Variants in MXD3 observed in about 807,000 individuals in gnomAD.
MXD3 encodes MAX dimerization protein 3, also known as Max-associated protein 3.
MXD3 carries 20 observed loss-of-function variants against 27.5 expected under a neutral mutation model. The ratio of observed to expected loss-of-function variants is 0.73; its 90% CI spans 0.51 to 1.06. MXD3 has a LOEUF of 1.06. Among genes scored for constraint, MXD3 ranks in the 50% least tolerant of loss-of-function variants. MXD3 has a pLI of 0.00. For missense variants in MXD3, 298 were observed against 291.3 expected (o/e 1.02, Z -0.17); for synonymous variants, 150 against 130.7 (o/e 1.15, Z -1.01).
At chr5:177,306,197 A>C (rs1260062642), downstream of MXD3, 1 of 1,603,532 alleles carries the variant, frequency 6.2e-7, no homozygotes, top group Admixed American at 1.7e-5. Flanking sequence ...GGGTATGTGG[A>C]TATTCCTCAT....
In MXD3 at chr5:177,311,748, G is replaced by T. The variant is rs1761045017; in HGVS notation, c.70+13C>A. Reference sequence around the variant, plus strand: ...GGTCGCCGCCCGGAATTCAGCCAAGGGTCCTTCCTCACCTCTCTCACGGCG... The same window carrying T: ...GGTCGCCGCCCGGAATTCAGCCAAGTGTCCTTCCTCACCTCTCTCACGGCG... On this transcript the variant is annotated intron_variant, in intron 1 of 5. Coordinates refer to ENST00000439742, the MANE Select transcript of MXD3 (RefSeq NM_031300.4). 2 of 1,612,276 alleles carry T rather than the reference G, an allele frequency of 1.2e-6. No homozygotes were observed. Among genetic ancestry groups the T allele is most frequent in the East Asian group, 4.5e-5 (2 of 44,780 alleles).
Position 177,310,684 on chromosome 5 carries a change from C to A in MXD3, c.190G>T (p.Glu64Ter). ...AQDSGRSVHN[E>*]LEKRRRAQLK... is the part of the protein sequence containing the mutation. ...GGGACTCACCTGCGCTTCTCCAGTTCATTGTGCACTGACCTGCCAATGCCA... is the reference window on the plus strand; with the variant it reads ...GGGACTCACCTGCGCTTCTCCAGTTAATTGTGCACTGACCTGCCAATGCCA... The change falls in exon 3 of 6, where the codon GAA becomes TAA. Residue 64 changes from glutamate (E) to a stop codon, truncating the protein, a stop_gained. Coordinates refer to ENST00000439742, the MANE Select transcript of MXD3 (RefSeq NM_031300.4). LOFTEE classifies it high-confidence loss of function. The A allele has an allele frequency of 6.2e-7, 1 of 1,614,210 alleles. No homozygotes were observed. The highest frequency in any genetic ancestry group is 1.1e-5 in the South Asian group (1 of 91,086).
downstream of MXD3, chr5:177,306,751 T>A (rs1042661622): frequency 9.4e-6 from 10 of 1,060,246 alleles, no homozygotes; most frequent in African/African-American, 1.6e-4. Flanking sequence ...GAGCCAGGTC[T>A]GCTTATTCTC....
At chr5:177,311,704 T>C (rs1761043950) in intron 1 of MXD3, 57 bp downstream of exon 1, 1 of 1,561,684 alleles carries the variant, frequency 6.4e-7, no homozygotes. Context: ...CCAGGTCCAG[T>C]CCAGGCCCGT....
Position 177,311,416 on chromosome 5 carries a change from G to C in MXD3, c.139C>G (p.Arg47Gly). Residue 47 changes from arginine (R) to glycine (G), a missense_variant, in exon 2 of 6, where the codon CGA (arginine) becomes GGA (glycine). Physicochemically the swap from Arg to Gly is moderately radical, Grantham distance 125. Coordinates refer to ENST00000439742, the MANE Select transcript of MXD3 (RefSeq NM_031300.4). ...SPGPIHRRKK[R>G]PPQAPGAQDS... ...TGCGCGCCAGGAGCCTGGGGGGGTC[G>C]CTTCTTCCTCCTGTGGATGGGGCCT... The C allele has an allele frequency of 2.8e-6, 4 of 1,436,092 alleles. No homozygotes were observed. The highest frequency in any genetic ancestry group is 3.6e-6 in the Non-Finnish European group (4 of 1,100,958). 89.0% of individuals were successfully genotyped at this position (1,436,092 alleles called of 1,614,324 possible).
downstream of MXD3, chr5:177,307,099 G>A: frequency 2.0e-6 from 3 of 1,491,808 alleles, no homozygotes; most frequent in South Asian, 1.3e-5. Flanking sequence ...TAAGTGCACT[G>A]CCTGGCACGG....
downstream of MXD3, chr5:177,306,457 A>G: frequency 6.2e-7 from 1 of 1,614,046 alleles, no homozygotes; most frequent in African/African-American, 1.3e-5. Context: ...TGAGACAGCC[A>G]AGGAAGCCAA....
chr5:177,307,863 T>C lies in MXD3; in HGVS notation c.423A>G (p.Ala141=). 1 of 1,609,738 alleles carries C rather than the reference T, an allele frequency of 6.2e-7. No homozygotes were observed. The highest frequency in any genetic ancestry group is 8.5e-7 in the Non-Finnish European group (1 of 1,178,704). ...GCAGCCGCTCCCGCTCGGCCGCCCCTGCCAGCCCCCGGAGCTGCTCCAGCT... is the reference window on the plus strand; with the variant it reads ...GCAGCCGCTCCCGCTCGGCCGCCCCCGCCAGCCCCCGGAGCTGCTCCAGCT... The part of the protein sequence containing the change: ...QRQLEQLRGL[A]GAAERERLRA... Residue 141 remains alanine, a synonymous_variant, in exon 5 of 6, where the codon GCA becomes GCG. Transcript: ENST00000439742.
chr5:177,311,915 G>A, upstream of MXD3: 7 of 1,487,140 alleles, frequency 4.7e-6, no homozygotes. Context: ...TAACTGACAC[G>A]GTGCAACAAA....
intron 2 of MXD3, chr5:177,310,990 CAG>C (rs10587485): frequency 0.05 from 28,894 of 581,404 alleles, 1,923 homozygotes; most frequent in African/African-American, 0.24. Flanking sequence ...ACTGCGGAAA[CAG>C]ATGTTTCCCA....
downstream of MXD3, chr5:177,306,577 T>C (rs1364999004): frequency 4.4e-6 from 7 of 1,607,774 alleles, no homozygotes; most frequent in Admixed American, 5.1e-5. Flanking sequence ...GTAGCCAGTC[T>C]ACCACCACCA....
Position 177,307,628 on chromosome 5 carries a change from T to A in MXD3, c.581A>T (p.Gln194Leu), listed in dbSNP as rs1487735347. The A allele has an allele frequency of 1.9e-6, 3 of 1,613,274 alleles. No homozygotes were observed. Among genetic ancestry groups the A allele is most frequent in the Non-Finnish European group, 2.5e-6 (3 of 1,179,938 alleles). The stretch of plus-strand genomic sequence containing the variant: ...GCCGCCGTGCGAGTAGCTGTGCTCC[T>A]GGCCGGCGACGAAGCCCCGCAGCAG... ...AELLRGFVAG[Q>L]EHSYSHGGGA... The change falls in exon 6 of 6, where the codon CAG (glutamine) becomes CTG (leucine). Residue 194 changes from glutamine (Q) to leucine (L), a missense_variant. Transcript: ENST00000439742.
At chr5:177,306,280 T>C, downstream of MXD3, 1 of 1,560,472 alleles carries the variant, frequency 6.4e-7, no homozygotes, top group Non-Finnish European at 8.8e-7. Context: ...CTGGGACTCC[T>C]TGTCTGTACT....
At chr5:177,312,170 G>C (rs1761054783), upstream of MXD3, 1 of 1,033,168 alleles carries the variant, frequency 9.7e-7, no homozygotes, top group Admixed American at 5.5e-5. Context: ...CGGCTCATTG[G>C]CGTCTTTGAT....
downstream of MXD3, chr5:177,306,142 G>C (rs374724126): frequency 2.5e-6 from 4 of 1,613,836 alleles, no homozygotes; most frequent in African/African-American, 5.3e-5. Flanking sequence ...CCAAGACTAT[G>C]AAGGGTTTTG....
At chr5:177,310,725 A>C (rs1233241246) in intron 2 of MXD3, 28 bp from the exon 3 acceptor site, 10 of 1,613,608 alleles carry the variant, frequency 6.2e-6, no homozygotes, top group Non-Finnish European at 8.5e-6. Context: ...GATGAGGTGA[A>C]GGGGAATCAG....
At position 177,307,720 on chromosome 5, in the gene MXD3, C is replaced by A. The variant is rs529365479; in HGVS notation, c.506-17G>T. The A allele has an allele frequency of 1.1e-5, 18 of 1,613,734 alleles. 2 individuals are homozygous for A. The Admixed American group carries it at 2.2e-4, about 19-fold the overall frequency. On this transcript the variant is annotated splice_polypyrimidine_tract_variant and intron_variant, in intron 5 of 5. Transcript: ENST00000439742. ...CCAGCTCCTCTGCGCGGGGAGGGGT[C>A]CGGTCAGAAGACCTGGCTCGCCCCG...
At chr5:177,311,336 C>T in intron 2 of MXD3, 43 bp downstream of exon 2, 1 of 1,293,214 alleles carries the variant, frequency 7.7e-7, no homozygotes, top group Non-Finnish European at 1.0e-6. Flanking sequence ...CCAGGGGCGG[C>T]GCCCACCCCC....
chr5:177,306,554 A>G (rs771533172), downstream of MXD3: 6 of 1,610,510 alleles, frequency 3.7e-6, no homozygotes, highest in Admixed American at 1.7e-5. Flanking sequence ...CAGCAGCAGC[A>G]GCAACAGTTT....
Sources: gnomAD v4.1 joint callset for allele counts on GRCh38, gnomAD v4.1.1 for gene constraint, MANE v1.5 for transcripts, NCBI Gene and HGNC (gene_info 2026-07-23, HGNC 2026-07-21) for gene names.